Variants in CDH18 observed in about 807,000 individuals in gnomAD.
CDH18 encodes the protein cadherin-18.
Under a neutral mutation model 67.9 loss-of-function variants are expected in CDH18, and 31 were observed. The ratio of observed to expected loss-of-function variants is 0.46; its 90% CI spans 0.34 to 0.62. The LOEUF (loss-of-function observed/expected upper bound fraction) is 0.62. Among genes scored for constraint, CDH18 ranks in the 20% least tolerant of loss-of-function variants. CDH18 has a pLI of 0.01. For synonymous variants in CDH18, 362 were observed against 347.2 expected, an observed-to-expected ratio of 1.04 and a Z score of -0.48; for missense variants, 890 against 975.5, an observed-to-expected ratio of 0.91 and a Z score of 1.17.
intron 1 of CDH18, among the ~76,000 whole-genome samples, chr5:20,548,607 G>A (rs1651450): frequency 0.45 from 68,754 of 151,894 alleles, 15,851 homozygotes; most frequent in East Asian, 0.57. Context: ...TTGCCATAAA[G>A]AGCATAACTG....
At chr5:19,903,620 T>A (rs1324589206) in intron 2 of CDH18, among the ~76,000 whole-genome samples, 1 of 54,492 alleles carries the variant, frequency 1.8e-5, no homozygotes, top group South Asian at 5.9e-4. Flanking sequence ...AAAGTGGCTT[T>A]TTTTTTTTTT....
chr5:20,295,595 C>T (rs991009328), intron 1 of CDH18, among the ~76,000 whole-genome samples: 12 of 151,696 alleles, frequency 7.9e-5, no homozygotes, highest in Non-Finnish European at 1.0e-4. Context: ...GGCATGGTGG[C>T]GTGCACCTGT....
At chr5:19,648,591 T>C (rs1206163750) in intron 5 of CDH18, among the ~76,000 whole-genome samples, 1 of 151,114 alleles carries the variant, frequency 6.6e-6, no homozygotes, top group Admixed American at 6.6e-5. Context: ...TCTCTTTTTT[T>C]TGTCTTTTAC....
At chr5:19,760,559 G>A (rs1441097196) in intron 3 of CDH18, among the ~76,000 whole-genome samples, 1 of 152,114 alleles carries the variant, frequency 6.6e-6, no homozygotes, top group East Asian at 1.9e-4. Context: ...TACTTAGTGA[G>A]CCCAGATCAA....
intron 1 of CDH18, among the ~76,000 whole-genome samples, chr5:20,522,270 C>T (rs959043263): frequency 1.3e-5 from 2 of 152,142 alleles, no homozygotes; most frequent in African/African-American, 2.4e-5. Flanking sequence ...ATTTAAGCCA[C>T]CTAGTTTCTG....
intron 2 of CDH18, among the ~76,000 whole-genome samples, chr5:20,135,757 C>T (rs527281899): frequency 5.2e-4 from 79 of 152,252 alleles, no homozygotes; most frequent in Non-Finnish European, 9.4e-4. Context: ...CTACACACTG[C>T]TTTAAATGTG....
At chr5:19,835,137 A>G (rs1781478204) in intron 3 of CDH18, among the ~76,000 whole-genome samples, 1 of 152,200 alleles carries the variant, frequency 6.6e-6, no homozygotes, top group African/African-American at 2.4e-5. Flanking sequence ...CCTATCAATA[A>G]TAGACTAAAT....
chr5:19,653,934 T>C (rs1755947528), intron 5 of CDH18, among the ~76,000 whole-genome samples: 1 of 152,162 alleles, frequency 6.6e-6, no homozygotes. Flanking sequence ...AGGCCCTCTT[T>C]ATCACATTTT....
chr5:19,536,388 G>T (rs959934386), intron 9 of CDH18, among the ~76,000 whole-genome samples: 1 of 152,168 alleles, frequency 6.6e-6, no homozygotes, highest in Admixed American at 6.5e-5. Context: ...AGATGAAAGG[G>T]TTATGAAATT....
intron 1 of CDH18, among the ~76,000 whole-genome samples, chr5:20,371,016 G>A (rs1278818174): frequency 2.0e-5 from 3 of 150,782 alleles, no homozygotes; most frequent in Middle Eastern, 3.4e-3. Flanking sequence ...CACCCTGGGC[G>A]ACAGGGCGAG....
intron 6 of CDH18, among the ~76,000 whole-genome samples, chr5:19,597,137 G>A (rs746787772): frequency 4.3e-4 from 65 of 152,210 alleles, no homozygotes; most frequent in Non-Finnish European, 7.6e-4. Context: ...GTTATGTTTC[G>A]TTGCAGCCCA....
chr5:20,030,187 C>A (rs1221903403), intron 2 of CDH18, among the ~76,000 whole-genome samples: 1 of 152,156 alleles, frequency 6.6e-6, no homozygotes. Context: ...GACTTTAGCT[C>A]TTTGAGGCTG....
chr5:20,535,790 G>A (rs1756681713), intron 1 of CDH18, among the ~76,000 whole-genome samples: 1 of 152,094 alleles, frequency 6.6e-6, no homozygotes, highest in Non-Finnish European at 1.5e-5. Context: ...CCAGATGAGA[G>A]TTCACAGCAC....
At chr5:19,876,308 A>G (rs1364548849) in intron 2 of CDH18, among the ~76,000 whole-genome samples, 1 of 152,130 alleles carries the variant, frequency 6.6e-6, no homozygotes, top group African/African-American at 2.4e-5. Context: ...CAGGTGGAAG[A>G]TTCTAGGAGT....
At chr5:20,518,110 C>T (rs1755491004) in intron 1 of CDH18, among the ~76,000 whole-genome samples, 1 of 151,988 alleles carries the variant, frequency 6.6e-6, no homozygotes, top group African/African-American at 2.4e-5. Context: ...AACAACAGAA[C>T]TGACCCTTAT....
At chr5:20,297,789 TCTGATG>T (rs1747657312) in intron 1 of CDH18, among the ~76,000 whole-genome samples, 1 of 152,166 alleles carries the variant, frequency 6.6e-6, no homozygotes, top group Admixed American at 6.5e-5. Context: ...TGAACCCCAC[TCTGATG>T]CTCTTGCTGA....
chr5:20,491,117 A>G (rs1183115804), intron 1 of CDH18, among the ~76,000 whole-genome samples: 1 of 151,904 alleles, frequency 6.6e-6, no homozygotes, highest in Non-Finnish European at 1.5e-5. Flanking sequence ...ATTTTTACAA[A>G]TTAGCATCCT....
chr5:19,746,859 TAA>T (rs1770066303), intron 4 of CDH18, 81 bp downstream of exon 4: 2 of 1,042,116 alleles, frequency 1.9e-6, no homozygotes, highest in African/African-American at 3.2e-5. Context: ...TATATATATA[TAA>T]GTAAAAATTG....
intron 5 of CDH18, among the ~76,000 whole-genome samples, chr5:19,687,824 A>G (rs1761319394): frequency 6.6e-6 from 1 of 152,166 alleles, no homozygotes; most frequent in Non-Finnish European, 1.5e-5. Flanking sequence ...TTCCCTGATA[A>G]CAGGCTCTAT....
Sources: allele counts gnomAD v4.1 joint callset (sites outside exome capture counted in the v4.1 genomes callset), GRCh38; gene constraint gnomAD v4.1.1; transcripts MANE v1.5; gene names NCBI Gene and HGNC (gene_info 2026-07-23, HGNC 2026-07-21).